Variants in HDAC9 observed in about 807,000 individuals in gnomAD.
HDAC9 encodes MEF-2 interacting transcription repressor (MITR) protein.
In HDAC9, 41 loss-of-function variants were observed where a neutral mutation model predicts 139.4. That is an observed-to-expected ratio of 0.29 (90% CI 0.23 to 0.38). The LOEUF is 0.38. Ranked by LOEUF, HDAC9 falls within the 10% of genes least tolerant of loss-of-function variation. HDAC9 has a pLI of 1.00. For synonymous variants in HDAC9, 517 were observed against 476.2 expected (o/e 1.09, Z -1.12); for missense variants, 1,147 against 1,297.0 (o/e 0.88, Z 1.78).
At chr7:18,459,920 T>G (rs1793684204) in intron 1 of HDAC9, among the ~76,000 whole-genome samples, 2 of 151,970 alleles carry the variant, frequency 1.3e-5, no homozygotes, top group African/African-American at 4.8e-5. Flanking sequence ...TTAAGGGTTT[T>G]GGAAATGTTA....
intron 1 of HDAC9, among the ~76,000 whole-genome samples, chr7:18,318,755 C>T (rs1799827897): frequency 6.6e-6 from 1 of 152,114 alleles, no homozygotes; most frequent in Non-Finnish European, 1.5e-5. Context: ...TTGGGTCTGT[C>T]ACAGAATTAT....
chr7:18,945,524 G>T (rs528678337), intron 23 of HDAC9, among the ~76,000 whole-genome samples: 4 of 152,100 alleles, frequency 2.6e-5, no homozygotes, highest in African/African-American at 9.7e-5. Context: ...TGTAGGATTG[G>T]TTCTTTTTGT....
intron 12 of HDAC9, chr7:18,668,803 A>G: frequency 4.1e-6 from 4 of 982,792 alleles, no homozygotes; most frequent in Non-Finnish European, 4.8e-6. Context: ...GCCTTCTGTT[A>G]TAAGTCTCTT....
intron 2 of HDAC9, among the ~76,000 whole-genome samples, chr7:18,211,649 C>G (rs545459402): frequency 1.3e-5 from 2 of 152,312 alleles, no homozygotes; most frequent in South Asian, 4.1e-4. Flanking sequence ...TATTCTACAT[C>G]TGTGCCTGGA....
chr7:18,343,419 G>T (rs1202088190), intron 1 of HDAC9, among the ~76,000 whole-genome samples: 2 of 151,842 alleles, frequency 1.3e-5, no homozygotes, highest in South Asian at 2.1e-4. Context: ...ATTTGACAGA[G>T]TTTAATGGAA....
At chr7:18,792,632 C>T (rs1792425139) in intron 16 of HDAC9, among the ~76,000 whole-genome samples, 1 of 152,164 alleles carries the variant, frequency 6.6e-6, no homozygotes, top group Non-Finnish European at 1.5e-5. Context: ...AAGCAACCAT[C>T]TATTTTACTG....
intron 21 of HDAC9, among the ~76,000 whole-genome samples, chr7:18,850,905 C>A (rs972530416): frequency 2.6e-5 from 4 of 152,178 alleles, no homozygotes; most frequent in Non-Finnish European, 5.9e-5. Flanking sequence ...TTTTCTTTCA[C>A]AAGGGCACTA....
intron 2 of HDAC9, among the ~76,000 whole-genome samples, chr7:18,285,403 A>G (rs1797370785): frequency 1.3e-5 from 2 of 152,080 alleles, no homozygotes; most frequent in Admixed American, 1.3e-4. Flanking sequence ...ATTCAGTGAC[A>G]CTTTAAAGTA....
intron 1 of HDAC9, among the ~76,000 whole-genome samples, chr7:18,370,226 G>A (rs1784493047): frequency 6.6e-6 from 1 of 152,170 alleles, no homozygotes; most frequent in Non-Finnish European, 1.5e-5. Flanking sequence ...AATCCAGTCA[G>A]TGTGGTTCTA....
At chr7:18,767,937 A>T (rs942794002) in intron 16 of HDAC9, among the ~76,000 whole-genome samples, 1 of 152,324 alleles carries the variant, frequency 6.6e-6, no homozygotes, top group Middle Eastern at 3.4e-3. Context: ...AACTAGTCAC[A>T]TGTATATCAC....
chr7:18,827,789 T>A (rs943830841), intron 17 of HDAC9, among the ~76,000 whole-genome samples: 8 of 152,206 alleles, frequency 5.3e-5, no homozygotes, highest in African/African-American at 1.9e-4. Flanking sequence ...GGTTTCCCAG[T>A]GAACCATGTG....
At chr7:18,590,078 A>G (rs776935768) in intron 3 of HDAC9, among the ~76,000 whole-genome samples, 4 of 152,202 alleles carry the variant, frequency 2.6e-5, no homozygotes, top group Non-Finnish European at 5.9e-5. Flanking sequence ...AAATGGGAAG[A>G]CCTGAGTGAA....
chr7:18,362,413 A>G (rs1039300462), intron 1 of HDAC9, among the ~76,000 whole-genome samples: 1 of 152,208 alleles, frequency 6.6e-6, no homozygotes. Context: ...TTTCTTGGTA[A>G]CTTAGATGAT....
chr7:18,449,348 T>A (rs927516628), intron 1 of HDAC9, among the ~76,000 whole-genome samples: 1 of 152,148 alleles, frequency 6.6e-6, no homozygotes, highest in African/African-American at 2.4e-5. Context: ...AATATAATAC[T>A]GAAAGAAAGT....
intron 12 of HDAC9, among the ~76,000 whole-genome samples, chr7:18,712,545 G>C (rs1029546544): frequency 6.6e-6 from 1 of 152,168 alleles, no homozygotes. Context: ...ATCTAAGAAT[G>C]ATGAGAACTG....
chr7:18,234,491 A>C (rs759203390), intron 2 of HDAC9, among the ~76,000 whole-genome samples: 8 of 152,324 alleles, frequency 5.3e-5, no homozygotes, highest in Middle Eastern at 3.4e-3. Context: ...TTATTAATAA[A>C]AAGCAGCTAA....
chr7:18,634,852 T>C, intron 8 of HDAC9, 110 bp downstream of exon 8: 2 of 687,562 alleles, frequency 2.9e-6, no homozygotes, highest in South Asian at 3.8e-5. Flanking sequence ...TATTTATGAA[T>C]TGAAGTTTAC....
chr7:18,146,930 T>A (rs948138846), intron 1 of HDAC9, among the ~76,000 whole-genome samples: 2 of 152,190 alleles, frequency 1.3e-5, no homozygotes, highest in Non-Finnish European at 2.9e-5. Context: ...TGCATCATGT[T>A]TGATAGAAGT....
At chr7:18,648,297 A>G (rs1051837939) in intron 10 of HDAC9, among the ~76,000 whole-genome samples, 169 bp from the exon 11 acceptor site, 3 of 151,986 alleles carry the variant, frequency 2.0e-5, no homozygotes, top group East Asian at 1.9e-4. Flanking sequence ...CACCTGACCT[A>G]TTCTTCTGTT....
Sources: gnomAD v4.1 joint callset for allele counts (sites outside exome capture counted in the v4.1 genomes callset) on GRCh38, gnomAD v4.1.1 for gene constraint, MANE v1.5 for transcripts, NCBI Gene and HGNC (gene_info 2026-07-23, HGNC 2026-07-21) for gene names.